DNAH17: variants seen among roughly 807,000 people sequenced by gnomAD.
The protein encoded by DNAH17 is dynein axonemal heavy chain 17.
A neutral mutation model predicts 485.6 loss-of-function variants in DNAH17; 376 were observed. The ratio of observed to expected loss-of-function variants is 0.77; its 90% CI spans 0.71 to 0.84. The LOEUF is 0.84. Among genes scored for constraint, DNAH17 ranks in the 40% least tolerant of loss-of-function variants. The pLI is 0.00. For synonymous variants in DNAH17, 3,031 were observed against 2,405.9 expected, an observed-to-expected ratio of 1.26 and a Z score of -7.60; for missense variants, 6,370 against 5,839.3, an observed-to-expected ratio of 1.09 and a Z score of -2.96.
intron 74 of DNAH17, among the ~76,000 whole-genome samples, chr17:78,436,918 G>A (rs940648026): frequency 6.6e-6 from 1 of 152,166 alleles, no homozygotes; most frequent in Non-Finnish European, 1.5e-5. Context: ...GCTGCATCTG[G>A]GGGAAGCCTT....
chr17:78,532,820 T>A, intron 19 of DNAH17, 84 bp from the exon 20 acceptor site: 1 of 1,418,482 alleles, frequency 7.0e-7, no homozygotes, highest in East Asian at 2.5e-5. Flanking sequence ...CCTTGAGAAG[T>A]GGTTCTCTGT....
intron 14 of DNAH17, among the ~76,000 whole-genome samples, chr17:78,557,100 A>AT (rs1364190433): frequency 2.0e-5 from 3 of 152,148 alleles, no homozygotes; most frequent in Non-Finnish European, 4.4e-5. Context: ...CCTAGATCAG[A>AT]TGGTGCCAGG....
At position 78,441,192 on chromosome 17, in the gene DNAH17, C is replaced by T. The variant is rs1468064721; in HGVS notation, c.11536G>A (p.Val3846Met). The change falls in exon 72 of 81, where the codon GTG becomes ATG. Residue 3846 changes from valine to methionine, a missense_variant. By Grantham distance (21) the Val-to-Met change is conservative (BLOSUM62 1). Coordinates refer to ENST00000389840, the MANE Select transcript of DNAH17 (RefSeq NM_173628.4). Reference sequence around the variant, plus strand: ...AACTTGCTGCCCATCTTTTCCTCCACGAAGTTCCTAGGGGTGGAGTGCATC... The same window carrying T: ...AACTTGCTGCCCATCTTTTCCTCCATGAAGTTCCTAGGGGTGGAGTGCATC... The part of the protein sequence containing the change: ...DRMTYAIKNF[V>M]EEKMGSKFVE... 38 of 1,613,670 alleles carry T rather than the reference C, an allele frequency of 2.4e-5. No individual in the cohort carries two copies. Among genetic ancestry groups the T allele is most frequent in the South Asian group, 3.3e-5 (3 of 91,090 alleles).
intron 31 of DNAH17, 37 bp downstream of exon 31, chr17:78,505,256 G>C (rs1281360401): frequency 6.2e-7 from 1 of 1,612,188 alleles, no homozygotes; most frequent in Non-Finnish European, 8.5e-7. Context: ...CTGCACCCTT[G>C]TCCTGGGTTC....
chr17:78,495,339 A>G (rs1299743746), intron 38 of DNAH17, among the ~76,000 whole-genome samples: 2 of 149,606 alleles, frequency 1.3e-5, no homozygotes, highest in Non-Finnish European at 1.5e-5. Context: ...CAACCCCCCA[A>G]CCCTGCTTTC....
chr17:78,480,733 G>A lies in DNAH17; in HGVS notation c.7703C>T (p.Ala2568Val), dbSNP rs2089311376. ...GGATCCGGAAGTGGGGTTCATGCAGGCCACGTACTGACAATTATGGATATC... is the reference window on the plus strand; with the variant it reads ...GGATCCGGAAGTGGGGTTCATGCAGACCACGTACTGACAATTATGGATATC... ...LKDIHNCQYV[A>V]CMNPTSGSFT... is the part of the protein sequence containing the mutation. The change falls in exon 49 of 81, where the codon GCC (alanine) becomes GTC (valine). Residue 2568 changes from alanine to valine, a missense_variant. By Grantham distance (64) the Ala-to-Val change is moderately conservative. Transcript: ENST00000389840. 3 of 1,613,428 alleles carry A rather than the reference G, an allele frequency of 1.9e-6. No homozygotes were observed. Among genetic ancestry groups the A allele is most frequent in the Admixed American group, 1.7e-5 (1 of 59,946 alleles).
intron 74 of DNAH17, among the ~76,000 whole-genome samples, chr17:78,435,854 C>G (rs761967340): frequency 6.6e-6 from 1 of 152,196 alleles, no homozygotes; most frequent in Non-Finnish European, 1.5e-5. Context: ...AACGTATCCT[C>G]GCGCCCCTCA....
rs144116449 is a variant in DNAH17, at chr17:78,444,817, G to A, written c.11335-20C>T. The A allele has an allele frequency of 6.2e-5, 96 of 1,543,230 alleles. No homozygotes were observed. In the East Asian group the frequency reaches 1.9e-3, roughly 31 times the overall value. ...GAGGGCCTAGGGGCAGAGGCAGCGG[G>A]CCCTGTGACTCTTCCCACTTACCCG... On this transcript the variant is annotated intron_variant, in intron 70 of 80. Coordinates refer to ENST00000389840, the MANE Select transcript of DNAH17 (RefSeq NM_173628.4).
intron 65 of DNAH17, 110 bp from the exon 66 acceptor site, chr17:78,451,783 C>G: frequency 1.1e-6 from 1 of 906,784 alleles, no homozygotes; most frequent in Non-Finnish European, 1.7e-6. Context: ...CCACCTTGAA[C>G]CCTCCCTTCT....
At chr17:78,443,533 CA>C (rs987244115) in intron 71 of DNAH17, among the ~76,000 whole-genome samples, 1 of 132,910 alleles carries the variant, frequency 7.5e-6, no homozygotes, top group African/African-American at 2.8e-5. Context: ...TCTGCTTTGT[CA>C]GAAGGGAATT....
Position 78,437,784 on chromosome 17 carries a change from C to G in DNAH17, c.11890G>C (p.Val3964Leu), listed in dbSNP as rs746031008. ...YSTGSHEDYRVFISAEPAPSP... is the reference protein window; with the variant it reads ...YSTGSHEDYRLFISAEPAPSP... Reference sequence around the variant, plus strand: ...GGGGCAGGCTCCGCGCTGATGAACACCCGGTAGTCCTCATGGCTGCCCGTG... The same window carrying G: ...GGGGCAGGCTCCGCGCTGATGAACAGCCGGTAGTCCTCATGGCTGCCCGTG... Residue 3964 changes from valine (V) to leucine (L), a missense_variant, in exon 74 of 81, where the codon GTG becomes CTG. Coordinates refer to ENST00000389840, the MANE Select transcript of DNAH17 (RefSeq NM_173628.4). 2 of 1,612,610 alleles carry G rather than the reference C, an allele frequency of 1.2e-6. No homozygotes were observed. Among genetic ancestry groups the G allele is most frequent in the East Asian group, 2.2e-5 (1 of 44,886 alleles).
At chr17:78,525,254 C>A (rs2091037208) in intron 24 of DNAH17, 93 bp from the exon 25 acceptor site, 1 of 1,507,262 alleles carries the variant, frequency 6.6e-7, no homozygotes, top group Non-Finnish European at 8.9e-7. Flanking sequence ...TCCAGTGTGC[C>A]CTCCCTGATA....
Position 78,502,990 on chromosome 17 carries a change from C to T in DNAH17, c.4978G>A (p.Val1660Met), listed in dbSNP as rs1375766916. Reference protein sequence around the residue: ...SGQVEVWLNRVLDRMCSTLRH... With the variant: ...SGQVEVWLNRMLDRMCSTLRH... ...AGGGTAGAGCACATTCGGTCCAGCA[C>T]TCGATTCAGCCACACTTCCACCTGG... The change falls in exon 32 of 81, where the codon GTG becomes ATG. Residue 1660 changes from valine to methionine, a missense_variant. Coordinates refer to ENST00000389840, the MANE Select transcript of DNAH17 (RefSeq NM_173628.4). 1 of 1,613,808 alleles carries T rather than the reference C, an allele frequency of 6.2e-7. No individual in the cohort carries two copies. The highest frequency in any genetic ancestry group is 1.7e-5 in the Admixed American group (1 of 59,992).
chr17:78,564,921 G>A (rs1211556246), intron 11 of DNAH17, among the ~76,000 whole-genome samples: 1 of 152,132 alleles, frequency 6.6e-6, no homozygotes, highest in African/African-American at 2.4e-5. Context: ...GCAGCTACCT[G>A]GGGAAGAGCC....
intron 22 of DNAH17, among the ~76,000 whole-genome samples, chr17:78,528,595 G>T (rs2091140627): frequency 6.6e-6 from 1 of 152,070 alleles, no homozygotes; most frequent in Non-Finnish European, 1.5e-5. Context: ...GGCGGGAGGA[G>T]GGGTGGACGG....
Position 78,506,771 on chromosome 17 carries a change from G to A in DNAH17, c.4752C>T (p.Val1584=). ...KRLAFPRFYF[V]SSADLLDILS... Reference sequence around the variant, plus strand: ...GAATGTCCAGGAGGTCAGCCGAGGAGACAAAATAGAACCGGGGGAAAGCCA... The same window carrying A: ...GAATGTCCAGGAGGTCAGCCGAGGAAACAAAATAGAACCGGGGGAAAGCCA... Residue 1584 remains valine, a synonymous_variant, in exon 30 of 81, where the codon GTC becomes GTT. Transcript: ENST00000389840. 6.2e-7 allele frequency: 1 copy of A among 1,613,992 alleles called. No individual in the cohort carries two copies. Among genetic ancestry groups the A allele is most frequent in the Admixed American group, 1.7e-5 (1 of 60,032 alleles).
intron 17 of DNAH17, among the ~76,000 whole-genome samples, chr17:78,542,818 G>T (rs117016752): frequency 6.6e-6 from 1 of 152,178 alleles, no homozygotes; most frequent in African/African-American, 2.4e-5. Flanking sequence ...CCCTGTGCAC[G>T]TTCAAATGGT....
intron 3 of DNAH17, 68 bp downstream of exon 3, chr17:78,572,633 G>A (rs1038900706): frequency 1.0e-5 from 14 of 1,363,456 alleles, no homozygotes; most frequent in South Asian, 1.4e-5. Flanking sequence ...GAGTGGGGTG[G>A]GGGGTGGGGG....
Position 78,427,465 on chromosome 17 carries a change from G to A in DNAH17, c.12589-357C>T, listed in dbSNP as rs562359504. Among the ~76,000 whole-genome samples the A allele has an allele frequency of 5.9e-5, 9 of 152,326 alleles. No homozygotes were observed. In the South Asian group the frequency reaches 1.7e-3, roughly 28 times the overall value. ...ACTTTGTCCTTTACGTGGGCTTTCT[G>A]TAGGGACCATGCTGGTCACACCCTG... On this transcript the variant is annotated intron_variant, in intron 77 of 80. Coordinates refer to ENST00000389840, the MANE Select transcript of DNAH17 (RefSeq NM_173628.4).
Sources: gnomAD v4.1 joint callset for allele counts (sites outside exome capture counted in the v4.1 genomes callset) on GRCh38, gnomAD v4.1.1 for gene constraint, MANE v1.5 for transcripts, NCBI Gene and HGNC (gene_info 2026-07-23, HGNC 2026-07-21) for gene names.